The following CAMKMT variants were observed in gnomAD, a reference collection of about 807,000 sequenced individuals.
CAMKMT encodes calmodulin-lysine N-methyltransferase, also known as CaM KMT.
A neutral mutation model predicts 48.0 loss-of-function variants in CAMKMT; 53 were observed. The observed-to-expected ratio is 1.10, with a 90% confidence interval of 0.89 to 1.39. The LOEUF is 1.39. Ranked by LOEUF, CAMKMT falls within the 40% of genes most tolerant of loss-of-function variation. CAMKMT has a pLI of 0.00. For synonymous variants in CAMKMT, 165 were observed against 152.3 expected, an observed-to-expected ratio of 1.08 and a Z score of -0.61; for missense variants, 428 against 402.7, an observed-to-expected ratio of 1.06 and a Z score of -0.54.
chr2:44,688,288 C>T (rs1486951568), intron 3 of CAMKMT, among the ~76,000 whole-genome samples: 4 of 152,132 alleles, frequency 2.6e-5, no homozygotes, highest in Non-Finnish European at 4.4e-5. Flanking sequence ...ACAGCCAGGA[C>T]GTGCTTAGCA....
chr2:44,657,099 C>A lies in CAMKMT; in HGVS notation c.377-47184C>A, dbSNP rs998641379. Among the ~76,000 whole-genome samples, 13 of 152,134 alleles carry A rather than the reference C, an allele frequency of 8.5e-5. No homozygotes were observed. The highest frequency in any genetic ancestry group is 1.5e-4 in the Non-Finnish European group (10 of 68,022). On this transcript the variant is annotated intron_variant, in intron 3 of 10. Coordinates refer to ENST00000378494, the MANE Select transcript of CAMKMT (RefSeq NM_024766.5). This position sits in a 1 kb window ranked among gnomAD's most constrained non-coding sequence, Gnocchi z 4.3. ...TCCTTCAGATATCTGAGGATACAGGCAGTTGCTAATTTGTTCTAATGTGCT... is the reference window on the plus strand; with the variant it reads ...TCCTTCAGATATCTGAGGATACAGGAAGTTGCTAATTTGTTCTAATGTGCT...
chr2:44,650,281 C>G (rs1014756161), intron 3 of CAMKMT, among the ~76,000 whole-genome samples: 1 of 152,130 alleles, frequency 6.6e-6, no homozygotes, highest in Non-Finnish European at 1.5e-5. Flanking sequence ...TTTGTCGTCA[C>G]CTGGTGCTCT....
chr2:44,572,696 T>C (rs1418794686), intron 3 of CAMKMT, among the ~76,000 whole-genome samples: 2 of 152,036 alleles, frequency 1.3e-5, no homozygotes, highest in Admixed American at 1.3e-4. Flanking sequence ...TTGGCTCTTA[T>C]GAGTAATGCT....
rs1328953471 is a variant in CAMKMT, at chr2:44,771,904, T to C, written c.895-132T>C. On this transcript the variant is annotated intron_variant, in intron 10 of 10. Coordinates refer to ENST00000378494, the MANE Select transcript of CAMKMT (RefSeq NM_024766.5). The stretch of plus-strand genomic sequence containing the variant: ...GCCACTGAGAACTACTTTGAGTTGC[T>C]TTTCTGTGATTTATTTTTCCAGAAC... The C allele has an allele frequency of 2.2e-4, 141 of 630,010 alleles. 2 individuals carry two copies. The highest frequency in any genetic ancestry group is 7.1e-5 in the Non-Finnish European group (26 of 366,016). 39.0% of individuals were successfully genotyped at this position (630,010 alleles called of 1,614,324 possible).
chr2:44,384,678 C>G (rs1483223468), intron 2 of CAMKMT, among the ~76,000 whole-genome samples: 1 of 151,902 alleles, frequency 6.6e-6, no homozygotes, highest in Non-Finnish European at 1.5e-5. Flanking sequence ...ATATGAGTAT[C>G]CAGTTTCATT....
intron 3 of CAMKMT, among the ~76,000 whole-genome samples, chr2:44,546,810 G>T (rs1667436040): frequency 6.6e-6 from 1 of 152,182 alleles, no homozygotes; most frequent in South Asian, 2.1e-4. Context: ...AAGTGTCCCT[G>T]GGCTGTTGTA....
chr2:44,680,868 G>A (rs564982254), intron 3 of CAMKMT, among the ~76,000 whole-genome samples: 39 of 152,244 alleles, frequency 2.6e-4, no homozygotes, highest in African/African-American at 7.5e-4. Context: ...AAAAGTATGC[G>A]CCACTAAACT....
At chr2:44,506,972 G>A (rs1178422627) in intron 3 of CAMKMT, among the ~76,000 whole-genome samples, 2 of 152,092 alleles carry the variant, frequency 1.3e-5, no homozygotes, top group Admixed American at 6.5e-5. Flanking sequence ...GTTTTAATTC[G>A]AAAAGCTCAC....
At chr2:44,421,177 T>C (rs1683913619) in intron 3 of CAMKMT, among the ~76,000 whole-genome samples, 2 of 152,180 alleles carry the variant, frequency 1.3e-5, no homozygotes, top group African/African-American at 4.8e-5. Flanking sequence ...GACTAATGTC[T>C]CCTCAGAATG....
chr2:44,502,247 T>C (rs1460952477), intron 3 of CAMKMT, among the ~76,000 whole-genome samples: 2 of 151,506 alleles, frequency 1.3e-5, no homozygotes, highest in Non-Finnish European at 2.9e-5. Context: ...ACCGAATAAA[T>C]ATACATTTAT....
intron 9 of CAMKMT, 112 bp from the exon 10 acceptor site, chr2:44,766,318 A>G (rs1046318803): frequency 3.5e-6 from 4 of 1,151,832 alleles, no homozygotes; most frequent in Non-Finnish European, 5.1e-6. Context: ...CATCTCAAGA[A>G]CAATTGAGTT....
chr2:44,394,363 G>C (rs944460702), intron 3 of CAMKMT, among the ~76,000 whole-genome samples: 2 of 151,796 alleles, frequency 1.3e-5, no homozygotes, highest in Admixed American at 1.3e-4. Context: ...TAGACCCTCT[G>C]CCATATATAC....
chr2:44,383,644 C>T (rs528394614), intron 2 of CAMKMT, among the ~76,000 whole-genome samples: 7 of 152,136 alleles, frequency 4.6e-5, no homozygotes, highest in South Asian at 2.1e-4. Context: ...CACTCTTCCC[C>T]GCAAGTCCCC....
intron 3 of CAMKMT, among the ~76,000 whole-genome samples, chr2:44,426,870 C>A (rs1021921084): frequency 1.3e-5 from 2 of 152,052 alleles, no homozygotes; most frequent in African/African-American, 2.4e-5. Flanking sequence ...CCAAAGCAAG[C>A]CTAAGCAAAA....
rs140332601 is a variant in CAMKMT, at chr2:44,575,331, G to A, written c.377-128952G>A. Among the ~76,000 whole-genome samples the A allele has an allele frequency of 3.5e-3, 517 of 148,996 alleles. 3 individuals are homozygous for A. Among genetic ancestry groups the A allele is most frequent in the African/African-American group, 0.011 (463 of 40,388 alleles). ...CGACCTCAAGTCATCCTCCCACCTCGGTATCCCAAAATGCTGAGATTACAG... is the reference window on the plus strand; with the variant it reads ...CGACCTCAAGTCATCCTCCCACCTCAGTATCCCAAAATGCTGAGATTACAG... On this transcript the variant is annotated intron_variant, in intron 3 of 10. Coordinates refer to ENST00000378494, the MANE Select transcript of CAMKMT (RefSeq NM_024766.5).
chr2:44,726,809 G>A (rs1337313565), intron 7 of CAMKMT, among the ~76,000 whole-genome samples: 2 of 152,166 alleles, frequency 1.3e-5, no homozygotes, highest in Non-Finnish European at 2.9e-5. Flanking sequence ...GCAATAGGTA[G>A]GGGTCCAATT....
chr2:44,399,172 T>C (rs1220087599), intron 3 of CAMKMT, among the ~76,000 whole-genome samples: 1 of 152,236 alleles, frequency 6.6e-6, no homozygotes, highest in Non-Finnish European at 1.5e-5. Context: ...CTTAAGCCTT[T>C]GCCCTTCCAG....
In CAMKMT at chr2:44,410,231, G is replaced by GTATATATA. The variant is rs1301135062; in HGVS notation, c.376+19936_376+19943dup. On this transcript the variant is annotated intron_variant, in intron 3 of 10. Transcript: ENST00000378494. ...AACTTAAGTAATTAGTCAGGTATCA[G>GTATATATA]TATATATATATATATATTTTTTTTT... Among the ~76,000 whole-genome samples, 75 of 20,442 alleles carry GTATATATA rather than the reference G, an allele frequency of 3.7e-3. 15 individuals carry two copies. Among genetic ancestry groups the GTATATATA allele is most frequent in the African/African-American group, 6.2e-3 (34 of 5,450 alleles). 13.4% of individuals were successfully genotyped at this position (20,442 alleles called of 152,430 possible). A position where few individuals can be genotyped will look rare whatever the true frequency, so the allele number is the denominator to read the frequency against.
At chr2:44,482,536 AT>A (rs1232222890) in intron 3 of CAMKMT, among the ~76,000 whole-genome samples, 2 of 152,160 alleles carry the variant, frequency 1.3e-5, no homozygotes, top group African/African-American at 4.8e-5. Flanking sequence ...ATTTCTGTAC[AT>A]TTAGGTAAAT....
Sources: allele counts gnomAD v4.1 joint callset (sites outside exome capture counted in the v4.1 genomes callset), GRCh38; gene constraint gnomAD v4.1.1; non-coding constraint Gnocchi (gnomAD v3.1); transcripts MANE v1.5; gene names NCBI Gene and HGNC (gene_info 2026-07-23, HGNC 2026-07-21).